Variants in ADCY1 observed in about 807,000 individuals in gnomAD.
The protein encoded by ADCY1 is adenylate cyclase type 1.
In ADCY1, 28 loss-of-function variants were observed where a neutral mutation model predicts 105.4. That is an observed-to-expected ratio of 0.27 (90% CI 0.20 to 0.36). The LOEUF (loss-of-function observed/expected upper bound fraction) is 0.36, where lower values mean the gene tolerates loss of function less well. Ranked by LOEUF, ADCY1 falls within the 10% of genes least tolerant of loss-of-function variation. The pLI is 1.00. For synonymous variants in ADCY1, 655 were observed against 623.8 expected, an observed-to-expected ratio of 1.05 and a Z score of -0.75; for missense variants, 977 against 1,434.2, an observed-to-expected ratio of 0.68 and a Z score of 5.15.
intron 8 of ADCY1, among the ~76,000 whole-genome samples, chr7:45,663,073 C>T (rs2116131725): frequency 6.6e-6 from 1 of 152,342 alleles, no homozygotes. Context: ...GTGGTGGTCC[C>T]AGTAGGGCGT....
rs1792277100 is a variant in ADCY1, at chr7:45,574,761, G to T, written c.218G>T (p.Gly73Val). ...CTGGCCGTTCTCAGCCTGCTGGCGG[G>T]CGCGCTGGCGCTGGCCGAGCTGCTG... is the stretch of plus-strand genomic sequence containing the variant. ...KALAVLSLLAGALALAELLGA... is the reference protein window; with the variant it reads ...KALAVLSLLAVALALAELLGA... Residue 73 changes from glycine (G) to valine (V), a missense_variant, in exon 1 of 20, where the codon GGC becomes GTC. By Grantham distance (109) the Gly-to-Val change is moderately radical (BLOSUM62 -3). Around this residue, in one of 7 missense-constraint regions of ADCY1, gnomAD observed 209 missense variants for 222.5 expected, o/e 0.94. Transcript: ENST00000297323. This position sits in a 1 kb window ranked among gnomAD's most constrained non-coding sequence, Gnocchi z 7.0. 2.1e-6 allele frequency: 3 copies of T among 1,434,428 alleles called. No homozygotes were observed. The highest frequency in any genetic ancestry group is 2.7e-6 in the Non-Finnish European group (3 of 1,104,254). 88.9% of individuals were successfully genotyped at this position (1,434,428 alleles called of 1,614,324 possible). A position where few individuals can be genotyped will look rare whatever the true frequency, so the allele number is the denominator to read the frequency against.
chr7:45,680,287 G>T, intron 11 of ADCY1: 1 of 195,726 alleles, frequency 5.1e-6, no homozygotes, highest in East Asian at 1.3e-4. Flanking sequence ...TTTGGAGAGG[G>T]GTGACATTTT....
intron 10 of ADCY1, among the ~76,000 whole-genome samples, chr7:45,679,363 G>A (rs1784515857): frequency 6.6e-6 from 1 of 152,184 alleles, no homozygotes; most frequent in Non-Finnish European, 1.5e-5. Flanking sequence ...GAATAGCTCA[G>A]CAAAGTCTGG....
intron 3 of ADCY1, among the ~76,000 whole-genome samples, chr7:45,615,259 C>G (rs879654453): frequency 6.6e-6 from 1 of 152,066 alleles, no homozygotes; most frequent in Admixed American, 6.5e-5. Context: ...AAAACACATT[C>G]TTGAACAATT....
At chr7:45,681,748 G>A (rs1412564882) in intron 11 of ADCY1, among the ~76,000 whole-genome samples, 4 of 152,222 alleles carry the variant, frequency 2.6e-5, no homozygotes, top group African/African-American at 9.6e-5. Context: ...TGTGGGAATG[G>A]AGGTGAGGGA....
At position 45,710,327 on chromosome 7, in the gene ADCY1, C is replaced by T. The variant is rs942810630; in HGVS notation, c.2933-201C>T. On this transcript the variant is annotated intron_variant, in intron 18 of 19. Transcript: ENST00000297323. This position sits in a 1 kb window ranked among gnomAD's most constrained non-coding sequence, Gnocchi z 4.7. ...TGAGGAGACCCTGCCCAGGGGAGCC[C>T]GTGCAGCAGGGCAGCTGCCTCTCTG... 7.9e-5 allele frequency among the ~76,000 whole-genome samples: 12 copies of T among 152,116 alleles called. No individual in the cohort carries two copies. Among genetic ancestry groups the T allele is most frequent in the Non-Finnish European group, 2.9e-5 (2 of 68,034 alleles).
chr7:45,601,503 C>T (rs1362205914), intron 2 of ADCY1, among the ~76,000 whole-genome samples: 1 of 152,160 alleles, frequency 6.6e-6, no homozygotes, highest in Non-Finnish European at 1.5e-5. Flanking sequence ...TTTCGCAGTA[C>T]TGCCACAACT....
At chr7:45,611,899 C>T (rs1793603127) in intron 3 of ADCY1, among the ~76,000 whole-genome samples, 1 of 152,132 alleles carries the variant, frequency 6.6e-6, no homozygotes, top group Non-Finnish European at 1.5e-5. Context: ...CCTCTGAAGA[C>T]ACAAAAGGTC....
chr7:45,640,446 A>G (rs1300117883), intron 4 of ADCY1, among the ~76,000 whole-genome samples: 1 of 152,246 alleles, frequency 6.6e-6, no homozygotes, highest in Non-Finnish European at 1.5e-5. Flanking sequence ...GAATAGGGAT[A>G]TCTTGAATAG....
chr7:45,668,807 A>C (rs1784310834), intron 8 of ADCY1, among the ~76,000 whole-genome samples: 1 of 152,034 alleles, frequency 6.6e-6, no homozygotes, highest in African/African-American at 2.4e-5. Context: ...TCAATTTCAG[A>C]GCCTGTTATT....
chr7:45,584,056 TC>T (rs1792647675), intron 1 of ADCY1, among the ~76,000 whole-genome samples: 2 of 151,536 alleles, frequency 1.3e-5, no homozygotes, highest in African/African-American at 4.9e-5. Flanking sequence ...CAAGTGATCT[TC>T]CTGTGTCAGC....
At chr7:45,615,562 C>G (rs1013820883) in intron 3 of ADCY1, among the ~76,000 whole-genome samples, 2 of 152,144 alleles carry the variant, frequency 1.3e-5, no homozygotes, top group African/African-American at 4.8e-5. Context: ...GCACACCACT[C>G]TACTCCAGCA....
At chr7:45,676,837 ATTTTTTT>A (rs58708149) in intron 8 of ADCY1, among the ~76,000 whole-genome samples, 1 of 131,172 alleles carries the variant, frequency 7.6e-6, no homozygotes, top group Non-Finnish European at 1.7e-5. Flanking sequence ...GGGGCCACAG[ATTTTTTT>A]TTTTTTTTTT....
At chr7:45,675,748 A>G (rs1584323847) in intron 8 of ADCY1, among the ~76,000 whole-genome samples, 1 of 152,066 alleles carries the variant, frequency 6.6e-6, no homozygotes, top group African/African-American at 2.4e-5. Context: ...TTCCTCCCCC[A>G]AAAAATCAGA....
intron 4 of ADCY1, among the ~76,000 whole-genome samples, chr7:45,630,606 T>C (rs1452395289): frequency 6.6e-6 from 1 of 152,188 alleles, no homozygotes; most frequent in East Asian, 1.9e-4. Flanking sequence ...TATTGCTGTG[T>C]GTTCCTCTTC....
chr7:45,714,353 G>A lies in ADCY1; in HGVS notation c.*358G>A. 3.9e-6 allele frequency: 1 copy of A among 253,772 alleles called. No individual in the cohort carries two copies. Among genetic ancestry groups the A allele is most frequent in the Non-Finnish European group, 7.6e-6 (1 of 132,276 alleles). 15.7% of individuals were successfully genotyped at this position (253,772 alleles called of 1,614,324 possible). On this transcript the variant is annotated 3_prime_UTR_variant, in exon 20 of 20. Transcript: ENST00000297323. ...ATGTAAGGACCTTCAGAGCATCCCA[G>A]GGTTACAGCAAGAGCCACTGAGGTG...
intron 6 of ADCY1, 49 bp from the exon 7 acceptor site, chr7:45,659,993 G>A (rs1160670182): frequency 1.2e-6 from 2 of 1,610,448 alleles, no homozygotes; most frequent in Non-Finnish European, 1.7e-6. Context: ...TGCAGACTCT[G>A]ACAGCAGTGG....
chr7:45,710,456 C>G lies in ADCY1; in HGVS notation c.2933-72C>G. On this transcript the variant is annotated intron_variant, in intron 18 of 19. Transcript: ENST00000297323. This position sits in a 1 kb window ranked among gnomAD's most constrained non-coding sequence, Gnocchi z 4.7. ...TCTCCACCAGGAGCAGCATCAGGTGCATTTGGTGGCCCTGGTGGGGTGAGT... is the reference window on the plus strand; with the variant it reads ...TCTCCACCAGGAGCAGCATCAGGTGGATTTGGTGGCCCTGGTGGGGTGAGT... The G allele has an allele frequency of 2.6e-6, 4 of 1,566,752 alleles. No homozygotes were observed. Among genetic ancestry groups the G allele is most frequent in the Non-Finnish European group, 3.5e-6 (4 of 1,154,276 alleles).
intron 2 of ADCY1, among the ~76,000 whole-genome samples, chr7:45,594,647 C>T (rs1793021337): frequency 6.6e-6 from 1 of 152,076 alleles, no homozygotes; most frequent in African/African-American, 2.4e-5. Context: ...CTAGTCTAGC[C>T]TTTGCTGCTT....
Sources: gnomAD v4.1 joint callset for allele counts (sites outside exome capture counted in the v4.1 genomes callset) on GRCh38, gnomAD v4.1.1 for gene constraint, gnomAD v4.1.1 regional missense constraint, Gnocchi (gnomAD v3.1) non-coding constraint, MANE v1.5 for transcripts, NCBI Gene and HGNC (gene_info 2026-07-23, HGNC 2026-07-21) for gene names.